Variants in PDS5A observed in about 807,000 individuals in gnomAD.
PDS5A encodes sister chromatid cohesion protein PDS5 homolog A.
Under a neutral mutation model 167.1 loss-of-function variants are expected in PDS5A, and 42 were observed. The ratio of observed to expected loss-of-function variants is 0.25; its 90% CI spans 0.20 to 0.33. The LOEUF (loss-of-function observed/expected upper bound fraction) is 0.33, where lower values mean the gene tolerates loss of function less well. Among genes scored for constraint, PDS5A ranks in the 10% least tolerant of loss-of-function variants. PDS5A has a pLI of 1.00. For missense variants in PDS5A, 1,033 were observed against 1,605.9 expected, an observed-to-expected ratio of 0.64 and a Z score of 6.10; for synonymous variants, 553 against 554.6, an observed-to-expected ratio of 1.00 and a Z score of 0.04.
chr4:39,910,353 A>G lies in PDS5A; in HGVS notation c.993-15T>C. On this transcript the variant is annotated splice_polypyrimidine_tract_variant and intron_variant, in intron 9 of 32. Transcript: ENST00000303538. ...TATCATTAAATCTACACAGAAAAAGATTGCTAAACATTAATTGTAAGGCAA... is the reference window on the plus strand; with the variant it reads ...TATCATTAAATCTACACAGAAAAAGGTTGCTAAACATTAATTGTAAGGCAA... 8.0e-7 allele frequency: 1 copy of G among 1,254,016 alleles called. No individual in the cohort carries two copies. The highest frequency in any genetic ancestry group is 2.4e-5 in the East Asian group (1 of 42,452). 77.7% of individuals were successfully genotyped at this position (1,254,016 alleles called of 1,614,324 possible).
At chr4:39,932,084 G>A (rs1360187403) in intron 2 of PDS5A, among the ~76,000 whole-genome samples, 1 of 152,026 alleles carries the variant, frequency 6.6e-6, no homozygotes, top group Non-Finnish European at 1.5e-5. Context: ...GTAGAGACAG[G>A]ATTTCACCAC....
chr4:39,835,485 T>C (rs979891023), intron 32 of PDS5A, among the ~76,000 whole-genome samples: 13 of 152,214 alleles, frequency 8.5e-5, no homozygotes, highest in Admixed American at 7.9e-4. Context: ...TAAATGCTAC[T>C]GAAAAAGTTT....
intron 2 of PDS5A, among the ~76,000 whole-genome samples, chr4:39,947,454 G>GA (rs397962049): frequency 2.6e-5 from 4 of 151,376 alleles, no homozygotes; most frequent in African/African-American, 7.3e-5. Flanking sequence ...TGAAAGGGGG[G>GA]AAAAAAAAGA....
At chr4:39,961,152 G>T (rs904443880) in intron 2 of PDS5A, among the ~76,000 whole-genome samples, 5 of 152,008 alleles carry the variant, frequency 3.3e-5, no homozygotes, top group African/African-American at 1.2e-4. Flanking sequence ...AAAACTATCA[G>T]GATTTCATAT....
intron 11 of PDS5A, among the ~76,000 whole-genome samples, chr4:39,907,036 G>GA (rs1265726484): frequency 6.6e-6 from 1 of 151,274 alleles, no homozygotes; most frequent in African/African-American, 2.4e-5. Context: ...ATATGGGTCA[G>GA]AAAATATCCA....
At chr4:39,932,289 A>G (rs73229717) in intron 2 of PDS5A, among the ~76,000 whole-genome samples, 10,852 of 152,232 alleles carry the variant, frequency 0.071, 487 homozygotes, top group Non-Finnish European at 0.1. Flanking sequence ...CCCCTATGGG[A>G]ATGTACCCAC....
chr4:39,902,679 T>C (rs979452956), intron 12 of PDS5A, among the ~76,000 whole-genome samples: 1 of 152,028 alleles, frequency 6.6e-6, no homozygotes, highest in Admixed American at 6.6e-5. Context: ...CGTGCCACCA[T>C]GCCCAGCTAA....
chr4:39,955,263 G>A (rs992285369), intron 2 of PDS5A, among the ~76,000 whole-genome samples: 19 of 152,032 alleles, frequency 1.2e-4, no homozygotes, highest in African/African-American at 2.4e-4. Context: ...AACAATACAC[G>A]AATATGGACT....
At chr4:39,884,672 C>T (rs929231785) in intron 17 of PDS5A, among the ~76,000 whole-genome samples, 31 of 152,302 alleles carry the variant, frequency 2.0e-4, no homozygotes, top group Non-Finnish European at 3.5e-4. Context: ...CACTCTTTCC[C>T]AATTTTCTGC....
rs1004634812 is a variant in PDS5A, at chr4:39,906,003, T to TG, written c.1234-1813dup. Among the ~76,000 whole-genome samples, 14 of 72,846 alleles carry TG rather than the reference T, an allele frequency of 1.9e-4. No individual in the cohort carries two copies. The South Asian group carries it at 3.6e-3, about 19-fold the overall frequency. The allele number at this position is 72,846 out of a possible 152,430, so 47.8% of individuals were successfully genotyped here. On this transcript the variant is annotated intron_variant, in intron 11 of 32. Coordinates refer to ENST00000303538, the MANE Select transcript of PDS5A (RefSeq NM_001100399.2). ...TGCTTTTGGAAATTAAAAATGGAGATGAAGTAAAAAAAAAAAAAGATAAGA... is the reference window on the plus strand; with the variant it reads ...TGCTTTTGGAAATTAAAAATGGAGATGGAAGTAAAAAAAAAAAAAGATAAGA...
chr4:39,968,050 T>C (rs981430031), intron 2 of PDS5A, among the ~76,000 whole-genome samples: 1 of 152,232 alleles, frequency 6.6e-6, no homozygotes, highest in Non-Finnish European at 1.5e-5. Context: ...ATATAGGATA[T>C]ACTACATAAC....
At chr4:39,896,026 G>GTT (rs34412885) in intron 16 of PDS5A, among the ~76,000 whole-genome samples, 91 of 132,946 alleles carry the variant, frequency 6.8e-4, no homozygotes, top group Admixed American at 1.5e-3. Context: ...ACCTGGCCCG[G>GTT]TTTTTTTTTT....
At chr4:39,974,257 T>A (rs958470942) in intron 2 of PDS5A, 25 of 552,770 alleles carry the variant, frequency 4.5e-5, no homozygotes, top group Non-Finnish European at 7.4e-5. Context: ...AAGCTGCTCC[T>A]ATACCACCAC....
At chr4:39,865,598 A>G (rs1719369398) in intron 23 of PDS5A, among the ~76,000 whole-genome samples, 1 of 152,222 alleles carries the variant, frequency 6.6e-6, no homozygotes, top group African/African-American at 2.4e-5. Context: ...TGATCTTGGC[A>G]CACTGCAACC....
At chr4:39,974,638 G>A (rs555413500) in intron 2 of PDS5A, among the ~76,000 whole-genome samples, 5 of 152,160 alleles carry the variant, frequency 3.3e-5, no homozygotes, top group South Asian at 4.2e-4. Flanking sequence ...TCCGCCTCCC[G>A]GGTTCAAGCG....
At chr4:39,951,616 T>A (rs911817091) in intron 2 of PDS5A, among the ~76,000 whole-genome samples, 1 of 152,166 alleles carries the variant, frequency 6.6e-6, no homozygotes, top group Non-Finnish European at 1.5e-5. Context: ...GAATTCTACA[T>A]CACGCTGGGC....
At chr4:39,926,518 C>CAAA (rs34277222) in intron 4 of PDS5A, among the ~76,000 whole-genome samples, 5 of 109,200 alleles carry the variant, frequency 4.6e-5, no homozygotes, top group East Asian at 5.2e-4. Flanking sequence ...AACTACGTCT[C>CAAA]AAAAAAAAAA....
intron 2 of PDS5A, among the ~76,000 whole-genome samples, chr4:39,941,920 C>T (rs1288439683): frequency 6.6e-6 from 1 of 152,084 alleles, no homozygotes; most frequent in East Asian, 1.9e-4. Context: ...AGAGCAAGAC[C>T]CCATCTCAGC....
intron 2 of PDS5A, among the ~76,000 whole-genome samples, chr4:39,930,246 A>AAAAAAAAAAAAAAAATTTTTTTTTT: frequency 2.1e-5 from 2 of 93,090 alleles, no homozygotes; most frequent in African/African-American, 3.7e-5. Flanking sequence ...AAAAAAAAAA[A>AAAAAAAAAAAAAAAATTTTTTTTTT]GTTTTTTTGT....
Sources: allele counts gnomAD v4.1 joint callset (sites outside exome capture counted in the v4.1 genomes callset), GRCh38; gene constraint gnomAD v4.1.1; transcripts MANE v1.5; gene names NCBI Gene and HGNC (gene_info 2026-07-23, HGNC 2026-07-21).